The following SHOX variants were observed in gnomAD, a reference collection of about 807,000 sequenced individuals.
SHOX encodes short stature homeobox protein.
SHOX carries 12 observed loss-of-function variants against 29.6 expected under a neutral mutation model. The ratio of observed to expected loss-of-function variants is 0.41; its 90% CI spans 0.26 to 0.66. SHOX has a LOEUF of 0.66. Ranked by LOEUF, SHOX falls within the 30% of genes least tolerant of loss-of-function variation. The pLI is 0.35. For missense variants in SHOX, 499 were observed against 437.7 expected (o/e 1.14, Z -1.25); for synonymous variants, 214 against 200.6 (o/e 1.07, Z -0.57).
intron 2 of SHOX, among the ~76,000 whole-genome samples, chrX:635,503 A>T (rs2124168610): frequency 6.6e-6 from 1 of 151,704 alleles, no homozygotes; most frequent in East Asian, 1.9e-4. Context: ...TCTGCTACAA[A>T]CCACCCCCTC....
At chrX:634,526 G>GC (rs1039399190) in intron 1 of SHOX, 92 bp from the exon 2 acceptor site, 3 of 1,369,352 alleles carry the variant, frequency 2.2e-6, no homozygotes, top group South Asian at 1.2e-5. Flanking sequence ...GTTTTCGAGG[G>GC]CCCCCTTTCC....
At chrX:644,346 C>A (rs1246278073) in intron 4 of SHOX, 45 bp from the exon 5 acceptor site, 2 of 1,502,898 alleles carry the variant, frequency 1.3e-6, no homozygotes, top group Non-Finnish European at 1.8e-6. Flanking sequence ...GCAGGCCCCC[C>A]AGTCCCCATC....
In SHOX at chrX:644,758, G is replaced by A; in HGVS notation, c.*122G>A. The A allele has an allele frequency of 7.8e-7, 1 of 1,283,316 alleles. No homozygotes were observed. The highest frequency in any genetic ancestry group is 1.0e-6 in the Non-Finnish European group (1 of 1,002,138). 79.5% of individuals were successfully genotyped at this position (1,283,316 alleles called of 1,614,324 possible). ...GCGGCCACCGTGCTCCGGGCACCCC[G>A]GGAGCTCCTGCAAGAGGCCTGAGGA... is the stretch of plus-strand genomic sequence containing the variant. On this transcript the variant is annotated 3_prime_UTR_variant, in exon 5 of 5. Transcript: ENST00000686671.
At position 650,968 on chromosome X, in the gene SHOX, G is replaced by A. The variant is rs1291482593; in HGVS notation, c.*6332G>A. 3.9e-5 allele frequency among the ~76,000 whole-genome samples: 6 copies of A among 152,004 alleles called. No homozygotes were observed. The South Asian group carries it at 8.3e-4, about 21-fold the overall frequency. On this transcript the variant is annotated 3_prime_UTR_variant, in exon 5 of 5. Coordinates refer to ENST00000686671, the MANE Select transcript of SHOX (RefSeq NM_000451.4). ...GGTTAAGGAATGTAGACAATATCCC[G>A]TTTCAAAGCTATGAAATGTGCTATT...
chrX:638,781 G>T (rs762138086), intron 2 of SHOX, among the ~76,000 whole-genome samples: 1 of 152,224 alleles, frequency 6.6e-6, no homozygotes, highest in Non-Finnish European at 1.5e-5. Context: ...TGTAAGGGTG[G>T]CTGTGGGCCG....
chrX:627,918 G>A (rs1202107687), upstream of SHOX, among the ~76,000 whole-genome samples: 2 of 152,142 alleles, frequency 1.3e-5, no homozygotes, highest in Non-Finnish European at 2.9e-5. Context: ...GGTTTACGGC[G>A]CAGTCCCTGG....
chrX:632,848 G>T (rs1159898225), intron 1 of SHOX, among the ~76,000 whole-genome samples: 1 of 152,122 alleles, frequency 6.6e-6, no homozygotes, highest in Non-Finnish European at 1.5e-5. Flanking sequence ...GAGGGCCTGC[G>T]TGTAATTTAA....
intron 2 of SHOX, among the ~76,000 whole-genome samples, chrX:639,450 CAA>C (rs2052811639): frequency 6.6e-6 from 1 of 152,130 alleles, no homozygotes; most frequent in East Asian, 1.9e-4. Flanking sequence ...CTTGGTGTGT[CAA>C]GAGCTAGATT....
intron 1 of SHOX, among the ~76,000 whole-genome samples, chrX:624,862 T>TTTTCTTTCTTTCTTTTC (rs1556451610): frequency 0.076 from 5,753 of 76,134 alleles, 203 homozygotes; most frequent in East Asian, 0.11. Context: ...TCTTTCTTTC[T>TTTTCTTTCTTTCTTTTC]TTTCTTTCTT....
intron 2 of SHOX, among the ~76,000 whole-genome samples, chrX:637,792 T>C (rs1421168743): frequency 6.6e-6 from 1 of 152,194 alleles, no homozygotes; most frequent in African/African-American, 2.4e-5. Context: ...TGCGTCTCAG[T>C]ACAGCCCGTC....
Position 651,087 on chromosome X carries a change from G to GTA in SHOX, c.*6453_*6454dup, listed in dbSNP as rs2053053079. Reference sequence around the variant, plus strand: ...AAGCCCCTGCTTCTTACTTTGTGATGTATGTGCATTTGTTATTTATTTTTT... The same window carrying GTA: ...AAGCCCCTGCTTCTTACTTTGTGATGTATATGTGCATTTGTTATTTATTTTTT... On this transcript the variant is annotated 3_prime_UTR_variant, in exon 5 of 5. Coordinates refer to ENST00000686671, the MANE Select transcript of SHOX (RefSeq NM_000451.4). Among the ~76,000 whole-genome samples the GTA allele has an allele frequency of 7.0e-6, 1 of 143,018 alleles. No homozygotes were observed. The highest frequency in any genetic ancestry group is 2.2e-4 in the South Asian group (1 of 4,484). 93.8% of individuals were successfully genotyped at this position (143,018 alleles called of 152,430 possible).
Sources: gnomAD v4.1 joint callset for allele counts (sites outside exome capture counted in the v4.1 genomes callset) on GRCh38, gnomAD v4.1.1 for gene constraint, MANE v1.5 for transcripts, NCBI Gene and HGNC (gene_info 2026-07-23, HGNC 2026-07-21) for gene names.